KANK1: variants seen among roughly 807,000 people sequenced by gnomAD.
KANK1 encodes the protein KN motif and ankyrin repeat domains 1, also known as KN motif and ankyrin repeat domain-containing protein 1.
A neutral mutation model predicts 106.2 loss-of-function variants in KANK1; 109 were observed. The ratio of observed to expected loss-of-function variants is 1.03; its 90% CI spans 0.88 to 1.20. KANK1 has a LOEUF of 1.20. Among genes scored for constraint, KANK1 ranks in the 50% most tolerant of loss-of-function variants. The pLI, the probability that KANK1 is intolerant of heterozygous loss-of-function variation, is 0.00. For missense variants in KANK1, 2,399 were observed against 1,710.7 expected (o/e 1.40, Z -7.10); for synonymous variants, 873 against 652.2 (o/e 1.34, Z -5.16).
chr9:627,804 A>G (rs1231263550), intron 1 of KANK1, among the ~76,000 whole-genome samples: 1 of 151,924 alleles, frequency 6.6e-6, no homozygotes, highest in Non-Finnish European at 1.5e-5. Context: ...TTCCCTTTCT[A>G]TTTTCAGCAA....
At chr9:504,462 C>A (rs534749845), upstream of KANK1, among the ~76,000 whole-genome samples, 2 of 151,688 alleles carry the variant, frequency 1.3e-5, no homozygotes, top group South Asian at 4.1e-4. Context: ...AAGAGCGCCC[C>A]CGCGGGGAGC....
intron 3 of KANK1, among the ~76,000 whole-genome samples, chr9:726,246 G>T (rs966723318): frequency 6.6e-6 from 1 of 152,104 alleles, no homozygotes; most frequent in Non-Finnish European, 1.5e-5. Flanking sequence ...TCTTCTCTTG[G>T]TGGGAATGGC....
intron 1 of KANK1, among the ~76,000 whole-genome samples, chr9:664,690 T>G (rs545454976): frequency 6.6e-6 from 1 of 152,326 alleles, no homozygotes; most frequent in East Asian, 1.9e-4. Flanking sequence ...AGAGAAATAC[T>G]CAGTAGTGGA....
At chr9:710,550 G>A (rs181876950) in intron 2 of KANK1, among the ~76,000 whole-genome samples, 6 of 148,452 alleles carry the variant, frequency 4.0e-5, no homozygotes, top group East Asian at 2.0e-4. Context: ...CCCAGGAGAC[G>A]GAGGCTGCAG....
At chr9:666,901 C>CTTTTTTTTTTTTTTTTTTT (rs35149316) in intron 1 of KANK1, among the ~76,000 whole-genome samples, 5 of 53,494 alleles carry the variant, frequency 9.3e-5, no homozygotes, top group Non-Finnish European at 1.3e-4. Flanking sequence ...CTATTGTTGT[C>CTTTTTTTTTTTTTTTTTTT]TTTTTTTTTT....
chr9:620,705 T>A (rs987003029), intron 1 of KANK1, among the ~76,000 whole-genome samples: 1 of 152,058 alleles, frequency 6.6e-6, no homozygotes, highest in African/African-American at 2.4e-5. Flanking sequence ...TTTTAAAAAT[T>A]AAAAAAATTT....
chr9:585,921 A>G (rs747341936), intron 1 of KANK1, among the ~76,000 whole-genome samples: 6 of 152,214 alleles, frequency 3.9e-5, no homozygotes, highest in Non-Finnish European at 7.3e-5. Context: ...AGGGGAGTTT[A>G]TATGTGATGG....
intron 1 of KANK1, among the ~76,000 whole-genome samples, chr9:514,593 T>C (rs1202034526): frequency 6.6e-6 from 1 of 151,484 alleles, no homozygotes; most frequent in Non-Finnish European, 1.5e-5. Context: ...CTTCTCTCCA[T>C]GTTATATTTG....
At chr9:745,075 C>A (rs1338654486) in intron 11 of KANK1, 98 bp from the exon 12 acceptor site, 1 of 1,547,040 alleles carries the variant, frequency 6.5e-7, no homozygotes, top group African/African-American at 1.4e-5. Context: ...CTCACAGCTG[C>A]TTGTTGCCTG....
chr9:721,024 C>T (rs919847143), intron 3 of KANK1, among the ~76,000 whole-genome samples: 1 of 152,142 alleles, frequency 6.6e-6, no homozygotes, highest in Admixed American at 6.5e-5. Context: ...ATCCTGGCAG[C>T]ACAATAGAAT....
intron 8 of KANK1, among the ~76,000 whole-genome samples, chr9:740,248 A>G (rs1835048867): frequency 6.6e-6 from 1 of 152,212 alleles, no homozygotes; most frequent in Admixed American, 6.5e-5. Context: ...GTTCTCGACC[A>G]TAAATTCTGG....
chr9:471,920 C>T (rs1237986291), intron 2 of KANK1, among the ~76,000 whole-genome samples: 1 of 152,108 alleles, frequency 6.6e-6, no homozygotes, highest in Non-Finnish European at 1.5e-5. Context: ...CCAGGGACTG[C>T]GGCTGACTCC....
At chr9:743,156 G>A (rs570909712) in intron 10 of KANK1, among the ~76,000 whole-genome samples, 16 of 152,316 alleles carry the variant, frequency 1.1e-4, no homozygotes, top group Non-Finnish European at 2.1e-4. Flanking sequence ...GCTTGGTTCC[G>A]TTTTTGAAAG....
At chr9:656,107 A>C (rs1168361159) in intron 1 of KANK1, among the ~76,000 whole-genome samples, 1 of 152,194 alleles carries the variant, frequency 6.6e-6, no homozygotes, top group Non-Finnish European at 1.5e-5. Context: ...TCTGGGAGCC[A>C]GTCTTCTTGG....
At chr9:558,011 A>G (rs1815315350) in intron 1 of KANK1, among the ~76,000 whole-genome samples, 1 of 152,128 alleles carries the variant, frequency 6.6e-6, no homozygotes, top group Non-Finnish European at 1.5e-5. Flanking sequence ...TCAAAAAACA[A>G]ACAAACAAAC....
At chr9:685,752 A>G (rs142005964) in intron 2 of KANK1, among the ~76,000 whole-genome samples, 1 of 152,162 alleles carries the variant, frequency 6.6e-6, no homozygotes, top group South Asian at 2.1e-4. Context: ...GATCTTTTCT[A>G]CTTTGGACAT....
intron 8 of KANK1, 48 bp from the exon 9 acceptor site, chr9:740,744 T>C: frequency 6.3e-7 from 1 of 1,586,590 alleles, no homozygotes; most frequent in Admixed American, 1.8e-5. Flanking sequence ...GCGGCTGCTA[T>C]TAGAAGGGGC....
intron 1 of KANK1, among the ~76,000 whole-genome samples, chr9:606,674 C>T (rs943238309): frequency 1.3e-5 from 2 of 150,196 alleles, no homozygotes; most frequent in South Asian, 2.1e-4. Flanking sequence ...ATAAAAGATG[C>T]AGTATGTCAG....
At chr9:579,323 A>G (rs187073184) in intron 1 of KANK1, among the ~76,000 whole-genome samples, 212 of 152,276 alleles carry the variant, frequency 1.4e-3, no homozygotes, top group African/African-American at 4.7e-3. Context: ...CTAGGAACAA[A>G]ACAAACTTGG....
Sources: gnomAD v4.1 joint callset for allele counts (sites outside exome capture counted in the v4.1 genomes callset) on GRCh38, gnomAD v4.1.1 for gene constraint, MANE v1.5 for transcripts, NCBI Gene and HGNC (gene_info 2026-07-23, HGNC 2026-07-21) for gene names.